The following EXOC7 variants were observed in gnomAD, a reference collection of about 807,000 sequenced individuals.
EXOC7 encodes the protein exocyst complex component Exo70.
In EXOC7, 51 loss-of-function variants were observed where a neutral mutation model predicts 87.6. The ratio of observed to expected loss-of-function variants is 0.58; its 90% CI spans 0.46 to 0.73. The LOEUF (loss-of-function observed/expected upper bound fraction) is 0.73, where lower values mean the gene tolerates loss of function less well. Ranked by LOEUF, EXOC7 falls within the 30% of genes least tolerant of loss-of-function variation. EXOC7 has a pLI of 0.00. For synonymous variants in EXOC7, 327 were observed against 357.1 expected (o/e 0.92, Z 0.95); for missense variants, 744 against 888.4 (o/e 0.84, Z 2.07).
At chr17:76,086,036 C>G in intron 13 of EXOC7, 44 bp downstream of exon 13, 1 of 1,604,554 alleles carries the variant, frequency 6.2e-7, no homozygotes, top group Non-Finnish European at 8.5e-7. Context: ...AAAGGCAGGG[C>G]ATGCAGGCAG....
chr17:76,090,767 A>T (rs974489979), intron 7 of EXOC7: 1 of 508,142 alleles, frequency 2.0e-6, no homozygotes, highest in Non-Finnish European at 3.5e-6. Context: ...TGCTGCACAC[A>T]CTCCCCTTTC....
intron 12 of EXOC7, chr17:76,087,361 G>T: frequency 2.1e-6 from 1 of 485,630 alleles, no homozygotes; most frequent in South Asian, 2.7e-5. Flanking sequence ...AGGGGGGCAG[G>T]GGCAGAAAGG....
At position 76,103,673 on chromosome 17, in the gene EXOC7, G is replaced by A. The variant is rs774209990; in HGVS notation, c.20C>T (p.Ala7Val). The A allele has an allele frequency of 3.7e-6, 6 of 1,612,956 alleles. No individual in the cohort carries two copies. Among genetic ancestry groups the A allele is most frequent in the East Asian group, 2.2e-5 (1 of 44,806 alleles). Residue 7 changes from alanine to valine, a missense_variant, in exon 1 of 19, where the codon GCA becomes GTA. By Grantham distance (64) the Ala-to-Val change is moderately conservative (BLOSUM62 0). Coordinates refer to ENST00000589210, the MANE Select transcript of EXOC7 (RefSeq NM_001013839.4). MIPPQEASARRREIEDK... is the reference protein window; with the variant it reads MIPPQEVSARRREIEDK... Reference sequence around the variant, plus strand: ...CTCAATCTCCCGCCGTCGAGCGGATGCCTCCTGTGGGGGAATCATCGCTCT... The same window carrying A: ...CTCAATCTCCCGCCGTCGAGCGGATACCTCCTGTGGGGGAATCATCGCTCT...
At chr17:76,085,891 C>T (rs927541074) in intron 13 of EXOC7, 94 bp from the exon 14 acceptor site, 69 of 1,541,740 alleles carry the variant, frequency 4.5e-5, no homozygotes, top group Admixed American at 6.0e-5. Flanking sequence ...TCCATCGCTC[C>T]TCGTCCTGCC....
chr17:76,099,049 T>A (rs957731011), intron 4 of EXOC7, among the ~76,000 whole-genome samples: 3 of 151,978 alleles, frequency 2.0e-5, no homozygotes, highest in Non-Finnish European at 1.5e-5. Flanking sequence ...TGAGAGAAAA[T>A]ATTTGTAAAC....
intron 15 of EXOC7, 79 bp from the exon 16 acceptor site, chr17:76,084,659 T>TG: frequency 7.9e-7 from 1 of 1,273,688 alleles, no homozygotes; most frequent in South Asian, 1.3e-5. Context: ...GCTAAATCTC[T>TG]GGATCTACTT....
At chr17:76,098,518 G>C (rs1232705852) in intron 4 of EXOC7, among the ~76,000 whole-genome samples, 2 of 151,906 alleles carry the variant, frequency 1.3e-5, no homozygotes, top group African/African-American at 4.8e-5. Flanking sequence ...CTCAAAATTT[G>C]TGTTTACAGG....
At chr17:76,090,698 G>A in intron 7 of EXOC7, 2 of 584,336 alleles carry the variant, frequency 3.4e-6, no homozygotes, top group Non-Finnish European at 6.0e-6. Flanking sequence ...CTGATGCTTG[G>A]CCCCAGGGGG....
Position 76,081,797 on chromosome 17 carries a change from G to A in EXOC7, c.*1851C>T, listed in dbSNP as rs367697538. On this transcript the variant is annotated 3_prime_UTR_variant, in exon 19 of 19. Transcript: ENST00000589210. ...TACCCAGTCTGCCCTGTTTCTCCCCGGTCACCCACTGGTGCTCAGCTCGCT... is the reference window on the plus strand; with the variant it reads ...TACCCAGTCTGCCCTGTTTCTCCCCAGTCACCCACTGGTGCTCAGCTCGCT... The A allele has an allele frequency of 3.3e-5, 54 of 1,612,988 alleles. No individual in the cohort carries two copies. The highest frequency in any genetic ancestry group is 1.6e-4 in the South Asian group (15 of 91,026).
In EXOC7 at chr17:76,084,497, A is replaced by G; in HGVS notation, c.1776+20T>C. The G allele has an allele frequency of 6.2e-7, 1 of 1,613,266 alleles. No homozygotes were observed. On this transcript the variant is annotated intron_variant, in intron 16 of 18. Coordinates refer to ENST00000589210, the MANE Select transcript of EXOC7 (RefSeq NM_001013839.4). Reference sequence around the variant, plus strand: ...TCCCGTCTGCCAGACACCCCTTCCCAGCCCAGGTCTTGAGCCCACCTTGAC... The same window carrying G: ...TCCCGTCTGCCAGACACCCCTTCCCGGCCCAGGTCTTGAGCCCACCTTGAC...
chr17:76,083,001 A>C lies in EXOC7; in HGVS notation c.*647T>G, dbSNP rs907597689. On this transcript the variant is annotated 3_prime_UTR_variant, in exon 19 of 19. Coordinates refer to ENST00000589210, the MANE Select transcript of EXOC7 (RefSeq NM_001013839.4). ...AAGAGGCACTGAGGCTGGGGGCCAG[A>C]GACAGGGGCCTGAGGAAGGCTGTAG... 2 of 204,400 alleles carry C rather than the reference A, an allele frequency of 9.8e-6. No individual in the cohort carries two copies. The highest frequency in any genetic ancestry group is 2.0e-5 in the Non-Finnish European group (2 of 102,508). The allele number at this position is 204,400 out of a possible 1,614,324, so 12.7% of individuals were successfully genotyped here.
chr17:76,099,442 G>A (rs1455700720), intron 4 of EXOC7, among the ~76,000 whole-genome samples: 1 of 152,176 alleles, frequency 6.6e-6, no homozygotes, highest in Non-Finnish European at 1.5e-5. Context: ...AGGAGGTGGA[G>A]GTTGCAGTGA....
chr17:76,089,029 G>C lies in EXOC7; in HGVS notation c.1048-106C>G, dbSNP rs962169305. 9 of 1,465,008 alleles carry C rather than the reference G, an allele frequency of 6.1e-6. No individual in the cohort carries two copies. The African/African-American group carries it at 1.1e-4, about 18-fold the overall frequency. 90.8% of individuals were successfully genotyped at this position (1,465,008 alleles called of 1,614,324 possible). ...GTAGGGGGGCCAGTGTGCAGGAAGA[G>C]GGGTGACGGGGAGGTGGTGAGCGTC... On this transcript the variant is annotated intron_variant, in intron 8 of 18. Transcript: ENST00000589210.
chr17:76,086,754 G>T, intron 12 of EXOC7: 2 of 1,082,558 alleles, frequency 1.8e-6, no homozygotes, highest in Non-Finnish European at 2.7e-6. Context: ...TGTCCCCTCT[G>T]ACTCAGGCTC....
rs1002217815 is a variant in EXOC7 at position 76,089,304 on chromosome 17, C to T, written c.918G>A (p.Leu306=). The T allele has an allele frequency of 6.2e-7, 1 of 1,614,078 alleles. No homozygotes were observed. Among genetic ancestry groups the T allele is most frequent in the Non-Finnish European group, 8.5e-7 (1 of 1,179,996 alleles). The change falls in exon 8 of 19, where the codon CTG becomes CTA. Residue 306 remains leucine (L), a synonymous_variant. Transcript: ENST00000589210. ...LIPLEGRDDM[L]DVETDAYIHC... ...GGATGTAGGCATCGGTCTCCACGTC[C>T]AGCATGTCATCTCTCCCTGGGGGAT... is the stretch of plus-strand genomic sequence containing the variant.
Position 76,081,972 on chromosome 17 carries a change from G to T in EXOC7, c.*1676C>A. The T allele has an allele frequency of 6.2e-7, 1 of 1,612,668 alleles. No individual in the cohort carries two copies. The highest frequency in any genetic ancestry group is 1.1e-5 in the South Asian group (1 of 91,058). ...GGGCTGCTGGCCCGGGGCAACCTTG[G>T]GGCCAAGAGCGGCCCCAGCCCAGCC... On this transcript the variant is annotated 3_prime_UTR_variant, in exon 19 of 19. Transcript: ENST00000589210.
At chr17:76,086,915 C>CACAGAGGGG in intron 12 of EXOC7, 1 of 1,549,570 alleles carries the variant, frequency 6.5e-7, no homozygotes, top group Non-Finnish European at 8.7e-7. Flanking sequence ...AGGCAGTGCA[C>CACAGAGGGG]ACAGAGGGGA....
chr17:76,090,865 T>G (rs752779079), intron 7 of EXOC7: 8 of 533,868 alleles, frequency 1.5e-5, no homozygotes, highest in Non-Finnish European at 2.3e-5. Context: ...GACAAATAAC[T>G]TTTTCTGAGT....
chr17:76,091,291 A>T lies in EXOC7; in HGVS notation c.809-56T>A, dbSNP rs980206015. ...AGAAGACCTAGGAAATGAGTGAGAG[A>T]AAACAGCAGCGGCCCTCCACCTGCC... is the stretch of plus-strand genomic sequence containing the variant. On this transcript the variant is annotated intron_variant, in intron 6 of 18. Transcript: ENST00000589210. The T allele has an allele frequency of 9.3e-6, 14 of 1,510,720 alleles. No homozygotes were observed. The Admixed American group carries it at 2.0e-4, about 22-fold the overall frequency. 93.6% of individuals were successfully genotyped at this position (1,510,720 alleles called of 1,614,324 possible). A position where few individuals can be genotyped will look rare whatever the true frequency, so the allele number is the denominator to read the frequency against.
Sources: gnomAD v4.1 joint callset for allele counts (sites outside exome capture counted in the v4.1 genomes callset) on GRCh38, gnomAD v4.1.1 for gene constraint, MANE v1.5 for transcripts, NCBI Gene and HGNC (gene_info 2026-07-23, HGNC 2026-07-21) for gene names.